COMMD1: variants seen among roughly 807,000 people sequenced by gnomAD.
COMMD1 encodes COMM domain-containing protein 1.
Under a neutral mutation model 17.2 loss-of-function variants are expected in COMMD1, and 10 were observed. The ratio of observed to expected loss-of-function variants is 0.58; its 90% CI spans 0.36 to 0.99. The LOEUF (loss-of-function observed/expected upper bound fraction) is 0.99, where lower values mean the gene tolerates loss of function less well. Among genes scored for constraint, COMMD1 ranks in the 50% least tolerant of loss-of-function variants. The pLI is 0.01. For synonymous variants in COMMD1, 97 were observed against 91.6 expected (o/e 1.06, Z -0.34); for missense variants, 270 against 231.8 (o/e 1.17, Z -1.07).
chr2:61,970,459 C>T (rs1003731050), intron 1 of COMMD1, among the ~76,000 whole-genome samples: 3 of 152,018 alleles, frequency 2.0e-5, no homozygotes, highest in African/African-American at 7.3e-5. Context: ...AAAATACACT[C>T]TCCCATATAC....
chr2:62,097,721 C>G (rs1326491662), intron 2 of COMMD1, among the ~76,000 whole-genome samples: 1 of 152,168 alleles, frequency 6.6e-6, no homozygotes, highest in Non-Finnish European at 1.5e-5. Context: ...GAGTTTGAAA[C>G]CCCTACCATT....
chr2:61,965,957 G>A (rs1253919190), intron 1 of COMMD1, among the ~76,000 whole-genome samples: 5 of 152,226 alleles, frequency 3.3e-5, no homozygotes, highest in Non-Finnish European at 5.9e-5. Flanking sequence ...ATGCTGTGAA[G>A]TTGGCTAGGT....
At chr2:62,020,821 G>T (rs1406027663) in intron 2 of COMMD1, among the ~76,000 whole-genome samples, 1 of 152,106 alleles carries the variant, frequency 6.6e-6, no homozygotes, top group East Asian at 1.9e-4. Flanking sequence ...CCAACATGGA[G>T]AAACCCCATC....
chr2:62,017,900 T>G (rs916041641), intron 2 of COMMD1, among the ~76,000 whole-genome samples: 1 of 151,868 alleles, frequency 6.6e-6, no homozygotes, highest in Admixed American at 6.6e-5. Flanking sequence ...TAAAATTACC[T>G]GAGCATGGTG....
At chr2:62,065,972 G>A (rs910000917) in intron 2 of COMMD1, among the ~76,000 whole-genome samples, 5 of 152,222 alleles carry the variant, frequency 3.3e-5, no homozygotes, top group Admixed American at 1.3e-4. Context: ...AATGGAAGGA[G>A]TGTGAGACAG....
At chr2:61,944,109 G>T (rs1670841719) in intron 1 of COMMD1, among the ~76,000 whole-genome samples, 1 of 152,114 alleles carries the variant, frequency 6.6e-6, no homozygotes, top group South Asian at 2.1e-4. Flanking sequence ...GTGCACATGA[G>T]CCAATCGAGA....
At position 62,018,018 on chromosome 2, in the gene COMMD1, C is replaced by CGGCCTGGGAGATGG. The variant is rs575642507; in HGVS notation, c.462+17036_462+17037insGGCCTGGGAGATGG. Among the ~76,000 whole-genome samples, 26 of 151,798 alleles carry CGGCCTGGGAGATGG rather than the reference C, an allele frequency of 1.7e-4. No individual in the cohort carries two copies. The East Asian group carries it at 5.0e-3, about 29-fold the overall frequency. ...GAGCCATGATTGTACCTCTGCACTC[C>CGGCCTGGGAGATGG]AGCCTGGGCGTCAGAGCATGACCTA... is the stretch of plus-strand genomic sequence containing the variant. On this transcript the variant is annotated intron_variant, in intron 2 of 2. Coordinates refer to ENST00000311832, the MANE Select transcript of COMMD1 (RefSeq NM_152516.4).
intron 1 of COMMD1, among the ~76,000 whole-genome samples, chr2:61,920,983 T>TA (rs376047252): frequency 0.53 from 52,550 of 99,796 alleles, 10,033 homozygotes; most frequent in South Asian, 0.61. Flanking sequence ...ATATATATAT[T>TA]TTTTTTTTTT....
At chr2:61,907,194 C>T (rs559933406) in intron 1 of COMMD1, among the ~76,000 whole-genome samples, 1 of 152,188 alleles carries the variant, frequency 6.6e-6, no homozygotes, top group Non-Finnish European at 1.5e-5. Flanking sequence ...CAATCTCCAC[C>T]TCCTGGGGTT....
upstream of COMMD1, among the ~76,000 whole-genome samples, chr2:61,905,252 A>G (rs1225649972): frequency 2.6e-5 from 4 of 152,232 alleles, no homozygotes; most frequent in Non-Finnish European, 5.9e-5. Context: ...CCTGAAAAAA[A>G]GGATGACAGG....
intron 1 of COMMD1, among the ~76,000 whole-genome samples, chr2:61,992,816 A>G (rs1158700100): frequency 6.6e-6 from 1 of 152,176 alleles, no homozygotes; most frequent in Non-Finnish European, 1.5e-5. Context: ...TTCCTCTGCG[A>G]CACATTTAAC....
chr2:62,127,605 T>A (rs1335741166), intron 2 of COMMD1, among the ~76,000 whole-genome samples: 1 of 151,986 alleles, frequency 6.6e-6, no homozygotes, highest in Non-Finnish European at 1.5e-5. Context: ...TCAACAAACC[T>A]GACAAAAAAA....
At chr2:62,078,835 C>T (rs1346163450) in intron 2 of COMMD1, among the ~76,000 whole-genome samples, 5 of 151,466 alleles carry the variant, frequency 3.3e-5, no homozygotes, top group African/African-American at 1.2e-4. Context: ...CAAGATTGCG[C>T]CACTGCACTC....
intron 1 of COMMD1, among the ~76,000 whole-genome samples, chr2:61,949,417 G>A (rs1340720690): frequency 1.3e-5 from 2 of 152,236 alleles, no homozygotes; most frequent in South Asian, 2.1e-4. Flanking sequence ...AAACAAAGAA[G>A]CCTTAGATTC....
At chr2:61,943,485 CT>C (rs1051212318) in intron 1 of COMMD1, among the ~76,000 whole-genome samples, 118 of 152,236 alleles carry the variant, frequency 7.8e-4, no homozygotes, top group African/African-American at 2.8e-3. Flanking sequence ...CATTTCTGCC[CT>C]TTTATGTGTC....
chr2:62,046,341 G>T (rs775103734), intron 2 of COMMD1, among the ~76,000 whole-genome samples: 1 of 152,248 alleles, frequency 6.6e-6, no homozygotes, highest in Non-Finnish European at 1.5e-5. Context: ...GTGTTTGTAT[G>T]TGTAATTCTG....
intron 2 of COMMD1, among the ~76,000 whole-genome samples, chr2:62,113,298 G>A (rs1334886585): frequency 6.6e-6 from 1 of 152,156 alleles, no homozygotes; most frequent in Non-Finnish European, 1.5e-5. Context: ...GTTATGATGA[G>A]CTATGATTGT....
intron 2 of COMMD1, chr2:62,119,056 T>A (rs1672676271): frequency 6.6e-6 from 1 of 152,134 alleles, no homozygotes; most frequent in Non-Finnish European, 1.5e-5. Flanking sequence ...GATAAACACA[T>A]AAAGAGGCAG....
At chr2:62,011,692 C>T (rs1306152315) in intron 2 of COMMD1, among the ~76,000 whole-genome samples, 1 of 151,940 alleles carries the variant, frequency 6.6e-6, no homozygotes, top group Admixed American at 6.6e-5. Context: ...ATGGAGCTCA[C>T]AGTGAAAGAA....
Sources: allele counts gnomAD v4.1 joint callset (sites outside exome capture counted in the v4.1 genomes callset), GRCh38; gene constraint gnomAD v4.1.1; transcripts MANE v1.5; gene names NCBI Gene and HGNC (gene_info 2026-07-23, HGNC 2026-07-21).